The following WDR44 variants were observed in gnomAD, a reference collection of about 807,000 sequenced individuals.
The protein encoded by WDR44 is WD repeat domain 44.
Under a neutral mutation model 65.7 loss-of-function variants are expected in WDR44, and 9 were observed. That is an observed-to-expected ratio of 0.14 (90% CI 0.08 to 0.24). The LOEUF is 0.24. WDR44 is among the 10% of genes least tolerant of loss of function. The pLI, the probability that WDR44 is intolerant of heterozygous loss-of-function variation, is 1.00. For synonymous variants in WDR44, 220 were observed against 235.2 expected (o/e 0.94, Z 0.59); for missense variants, 425 against 670.9 (o/e 0.63, Z 4.05).
rs984014593 is a variant in WDR44 at position 118,346,600 on chromosome X, A to T, written c.77+20A>T. 8.7e-7 allele frequency: 1 copy of T among 1,143,860 alleles called. No homozygotes were observed. The highest frequency in any genetic ancestry group is 1.8e-5 in the African/African-American group (1 of 54,580). The allele number at this position is 1,143,860 out of a possible 1,213,427, so 94.3% of individuals were successfully genotyped here. A position where few individuals can be genotyped will look rare whatever the true frequency, so the allele number is the denominator to read the frequency against. ...CGTGGGGTAAGTGACTGCAGCTATG[A>T]CAGGAAGCCGGGCATCCCAAGCCCC... On this transcript the variant is annotated intron_variant, in intron 1 of 19. Coordinates refer to ENST00000254029, the MANE Select transcript of WDR44 (RefSeq NM_019045.5).
intron 1 of WDR44, among the ~76,000 whole-genome samples, chrX:118,348,941 G>A (rs904191770): frequency 8.9e-6 from 1 of 112,312 alleles, no homozygotes; most frequent in Non-Finnish European, 1.9e-5. Flanking sequence ...AAACTGAATA[G>A]GCAGTGGAGA....
intron 3 of WDR44, among the ~76,000 whole-genome samples, chrX:118,390,734 G>C (rs1269991473): frequency 8.9e-6 from 1 of 111,979 alleles, no homozygotes. Context: ...AGGCTAAAAA[G>C]CCTGAATCCA....
chrX:118,433,919 G>A (rs1602968742), intron 13 of WDR44, among the ~76,000 whole-genome samples: 1 of 98,526 alleles, frequency 1.0e-5, no homozygotes, highest in Middle Eastern at 5.0e-3. Flanking sequence ...TTATGCGATT[G>A]TTGATGTTTC....
intron 12 of WDR44, among the ~76,000 whole-genome samples, chrX:118,427,340 T>G (rs1005992233): frequency 1.9e-5 from 2 of 104,769 alleles, no homozygotes; most frequent in East Asian, 3.0e-4. Context: ...GCGCGATCTC[T>G]GCTCACTGCA....
intron 12 of WDR44, among the ~76,000 whole-genome samples, chrX:118,431,541 G>C (rs1420249958): frequency 1.8e-5 from 2 of 111,634 alleles, no homozygotes; most frequent in Non-Finnish European, 3.8e-5. Context: ...GACCTCAGGT[G>C]ATCTGCCTGT....
rs773841138 is a variant in WDR44, at chrX:118,416,700, T to C, written c.1737+5741T>C. 3.6e-5 allele frequency among the ~76,000 whole-genome samples: 4 copies of C among 111,973 alleles called. No individual in the cohort carries two copies. The South Asian group carries it at 1.5e-3, about 42-fold the overall frequency. On this transcript the variant is annotated intron_variant, in intron 12 of 19. Transcript: ENST00000254029. ...ATGTTCTGTATATATATCTGTTAAG[T>C]CCATTTGTTCCAAGGTATAGTTTAA...
intron 19 of WDR44, 26 bp downstream of exon 19, chrX:118,444,520 T>A: frequency 8.3e-7 from 1 of 1,203,360 alleles, no homozygotes; most frequent in Non-Finnish European, 1.1e-6. Context: ...TCCTATATTT[T>A]TTTCTAGTCA....
At chrX:118,431,753 C>T (rs1414537089) in intron 12 of WDR44, among the ~76,000 whole-genome samples, 4 of 112,143 alleles carry the variant, frequency 3.6e-5, no homozygotes, top group African/African-American at 6.5e-5. Flanking sequence ...CATGCTATGT[C>T]ATGTAAAACA....
chrX:118,346,148 C>T lies in WDR44; in HGVS notation c.-356C>T, dbSNP rs1569352200. On this transcript the variant is annotated 5_prime_UTR_variant, in exon 1 of 20. Coordinates refer to ENST00000254029, the MANE Select transcript of WDR44 (RefSeq NM_019045.5). ...TAGCTCTTCCAGCTGCTGTAAATTG[C>T]TGCTGCGGGAGAAACTGGAGCCGCT... 1 of 303,149 alleles carries T rather than the reference C, an allele frequency of 3.3e-6. No individual in the cohort carries two copies. Among genetic ancestry groups the T allele is most frequent in the Admixed American group, 5.9e-5 (1 of 16,994 alleles). 25.0% of individuals were successfully genotyped at this position (303,149 alleles called of 1,213,427 possible).
chrX:118,372,186 A>C (rs2056620182), intron 1 of WDR44, among the ~76,000 whole-genome samples: 1 of 111,003 alleles, frequency 9.0e-6, no homozygotes, highest in Non-Finnish European at 1.9e-5. Flanking sequence ...TAATCATGGT[A>C]CAAATTATGT....
chrX:118,424,949 A>G (rs2057143159), intron 12 of WDR44, among the ~76,000 whole-genome samples: 1 of 112,239 alleles, frequency 8.9e-6, no homozygotes, highest in African/African-American at 3.2e-5. Context: ...AGTTTTGTGA[A>G]GAAAAGTAAA....
Position 118,425,333 on chromosome X carries a change from T to C in WDR44, c.1738-7448T>C, listed in dbSNP as rs747423694. Among the ~76,000 whole-genome samples the C allele has an allele frequency of 4.4e-5, 5 of 112,362 alleles. No individual in the cohort carries two copies. The South Asian group carries it at 1.9e-3, about 42-fold the overall frequency. On this transcript the variant is annotated intron_variant, in intron 12 of 19. Coordinates refer to ENST00000254029, the MANE Select transcript of WDR44 (RefSeq NM_019045.5). The stretch of plus-strand genomic sequence containing the variant: ...TTTATTTTAAAAGGATCATTCTGAC[T>C]TTTATACTGAGAACAAACTATAAGA...
intron 12 of WDR44, among the ~76,000 whole-genome samples, chrX:118,415,728 T>C (rs1300034251): frequency 1.8e-5 from 2 of 112,068 alleles, no homozygotes; most frequent in Admixed American, 9.5e-5. Context: ...AGTCTTGAAC[T>C]CCTGGCCTCA....
intron 1 of WDR44, among the ~76,000 whole-genome samples, chrX:118,368,484 T>TATATATATATACCA (rs1296467831): frequency 6.2e-5 from 6 of 96,998 alleles, no homozygotes; most frequent in African/African-American, 2.1e-4. Context: ...TATATATACT[T>TATATATATATACCA]CTTGAGGACC....
At chrX:118,352,342 A>ATTTT (rs2056417265) in intron 1 of WDR44, among the ~76,000 whole-genome samples, 1 of 21,089 alleles carries the variant, frequency 4.7e-5, no homozygotes, top group African/African-American at 3.9e-4. Context: ...ATATATATAT[A>ATTTT]TATATATATA....
At position 118,415,189 on chromosome X, in the gene WDR44, T is replaced by TG. The variant is rs1275865534; in HGVS notation, c.1737+4231dup. On this transcript the variant is annotated intron_variant, in intron 12 of 19. Transcript: ENST00000254029. ...ATGTGGTGTATCACATTTATTGACT[T>TG]GCATATGTTAAACCATCCCTGCATC... is the stretch of plus-strand genomic sequence containing the variant. Among the ~76,000 whole-genome samples, 3 of 109,741 alleles carry TG rather than the reference T, an allele frequency of 2.7e-5. No individual in the cohort carries two copies. The East Asian group carries it at 8.7e-4, about 32-fold the overall frequency.
At chrX:118,361,317 G>T (rs1159760019) in intron 1 of WDR44, among the ~76,000 whole-genome samples, 1 of 111,833 alleles carries the variant, frequency 8.9e-6, no homozygotes, top group Non-Finnish European at 1.9e-5. Flanking sequence ...AATAATCTTC[G>T]GGTAAGGAAT....
intron 12 of WDR44, among the ~76,000 whole-genome samples, chrX:118,431,053 G>T (rs1569382549): frequency 9.0e-6 from 1 of 111,506 alleles, no homozygotes; most frequent in African/African-American, 3.3e-5. Context: ...GAATAATAGT[G>T]GTAGTTTTTA....
chrX:118,382,232 T>G (rs1569363970), intron 2 of WDR44, among the ~76,000 whole-genome samples: 1 of 111,004 alleles, frequency 9.0e-6, no homozygotes, highest in African/African-American at 3.3e-5. Flanking sequence ...AAGGTGGTTT[T>G]TTTGTTTGTT....
Sources: gnomAD v4.1 joint callset for allele counts (sites outside exome capture counted in the v4.1 genomes callset) on GRCh38, gnomAD v4.1.1 for gene constraint, MANE v1.5 for transcripts, NCBI Gene and HGNC (gene_info 2026-07-23, HGNC 2026-07-21) for gene names.